Variants in SLC22A14 observed in about 807,000 individuals in gnomAD.
SLC22A14 encodes the protein solute carrier family 22 member 14, also known as organic cation transporter-like 4.
In SLC22A14, 50 loss-of-function variants were observed where a neutral mutation model predicts 53.9. The observed-to-expected ratio is 0.93, with a 90% CI of 0.74 to 1.17. The LOEUF (loss-of-function observed/expected upper bound fraction) is 1.17, where lower values mean the gene tolerates loss of function less well. Among genes scored for constraint, SLC22A14 ranks in the 50% most tolerant of loss-of-function variants. The pLI, the probability that SLC22A14 is intolerant of heterozygous loss-of-function variation, is 0.00. For missense variants in SLC22A14, 671 were observed against 734.7 expected (o/e 0.91, Z 1.00); for synonymous variants, 312 against 303.0 (o/e 1.03, Z -0.31).
chr3:38,297,663 A>G (rs1418829496), intron 1 of SLC22A14, among the ~76,000 whole-genome samples: 1 of 152,170 alleles, frequency 6.6e-6, no homozygotes, highest in Admixed American at 6.6e-5. Context: ...ATTAAGGCAT[A>G]TATTTCTGGC....
rs761233958 is a variant in SLC22A14, at chr3:38,313,139, G to T, written c.1065+20G>T. On this transcript the variant is annotated intron_variant, in intron 6 of 10. Transcript: ENST00000448498. ...GACGAGGTAAAGGGCTTCTGGCCAGGAGTGGGGCCGGAGCAGTGGGCTGTG... is the reference window on the plus strand; with the variant it reads ...GACGAGGTAAAGGGCTTCTGGCCAGTAGTGGGGCCGGAGCAGTGGGCTGTG... The T allele has an allele frequency of 1.2e-5, 19 of 1,609,456 alleles. No homozygotes were observed. In the South Asian group the frequency reaches 2.1e-4, roughly 18 times the overall value.
intron 1 of SLC22A14, among the ~76,000 whole-genome samples, chr3:38,291,917 G>A (rs553964857): frequency 1.3e-5 from 2 of 152,338 alleles, no homozygotes; most frequent in East Asian, 3.9e-4. Flanking sequence ...TTATGCCAAG[G>A]AACTCCCTTA....
At chr3:38,281,620 A>G (rs1157198403), upstream of SLC22A14, among the ~76,000 whole-genome samples, 1 of 152,220 alleles carries the variant, frequency 6.6e-6, no homozygotes, top group Non-Finnish European at 1.5e-5. Context: ...TGATTCATGG[A>G]TTAACAGATT....
chr3:38,294,802 A>G (rs1393632726), intron 1 of SLC22A14, among the ~76,000 whole-genome samples: 1 of 151,980 alleles, frequency 6.6e-6, no homozygotes, highest in African/African-American at 2.4e-5. Flanking sequence ...CATGCCCAAC[A>G]TTGCCTTTGT....
chr3:38,283,577 C>T (rs182829808), intron 1 of SLC22A14, among the ~76,000 whole-genome samples: 5 of 152,318 alleles, frequency 3.3e-5, no homozygotes, highest in South Asian at 2.1e-4. Context: ...CGCCTGTAAT[C>T]CCAGCACTTT....
intron 1 of SLC22A14, among the ~76,000 whole-genome samples, chr3:38,285,358 C>G (rs1703769050): frequency 6.6e-6 from 1 of 152,182 alleles, no homozygotes; most frequent in South Asian, 2.1e-4. Flanking sequence ...GAATCCATCA[C>G]CCACCCAAAG....
chr3:38,285,092 C>T (rs1373161431), intron 1 of SLC22A14, among the ~76,000 whole-genome samples: 1 of 152,138 alleles, frequency 6.6e-6, no homozygotes, highest in Non-Finnish European at 1.5e-5. Context: ...AAGTAAACAG[C>T]ACCTTAACAA....
At chr3:38,284,870 A>T (rs186154251) in intron 1 of SLC22A14, among the ~76,000 whole-genome samples, 5 of 152,284 alleles carry the variant, frequency 3.3e-5, no homozygotes, top group African/African-American at 1.2e-4. Context: ...AAGGAAATGG[A>T]CACCTCGTGA....
At chr3:38,288,956 G>C (rs975470086) in intron 1 of SLC22A14, among the ~76,000 whole-genome samples, 2 of 152,004 alleles carry the variant, frequency 1.3e-5, no homozygotes, top group African/African-American at 4.8e-5. Flanking sequence ...AAGATGGGAG[G>C]ATCACTCGAG....
intron 6 of SLC22A14, 36 bp from the exon 7 acceptor site, chr3:38,313,352 T>C (rs1704525519): frequency 6.5e-7 from 1 of 1,543,828 alleles, no homozygotes; most frequent in African/African-American, 1.4e-5. Flanking sequence ...GCTGGGGTCT[T>C]GGCCCTGCCT....
chr3:38,316,236 G>A, intron 9 of SLC22A14, 88 bp from the exon 10 acceptor site: 2 of 1,131,108 alleles, frequency 1.8e-6, no homozygotes, highest in South Asian at 1.3e-5. Flanking sequence ...GTGGAGACTG[G>A]AGAGTGTGGG....
At chr3:38,310,378 A>T (rs974458016) in intron 5 of SLC22A14, among the ~76,000 whole-genome samples, 1 of 152,144 alleles carries the variant, frequency 6.6e-6, no homozygotes, top group Non-Finnish European at 1.5e-5. Context: ...ATCCTGTTTA[A>T]AAAAAATTTC....
rs1704255768 is a variant in SLC22A14 at position 38,304,678 on chromosome 3, C to T, written c.1-1349C>T. On this transcript the variant is annotated intron_variant, in intron 1 of 10. Transcript: ENST00000448498. ...CTAACAGGAGACTGCTGAGGCTCTT[C>T]ATTAGTCAGTGGCCTGCCTTCTCTC... Among the ~76,000 whole-genome samples, 3 of 152,188 alleles carry T rather than the reference C, an allele frequency of 2.0e-5. No individual in the cohort carries two copies. The South Asian group carries it at 6.2e-4, about 32-fold the overall frequency.
intron 8 of SLC22A14, among the ~76,000 whole-genome samples, chr3:38,314,214 C>T (rs766438966): frequency 2.0e-5 from 3 of 152,192 alleles, no homozygotes; most frequent in Non-Finnish European, 4.4e-5. Flanking sequence ...CCTTCTTCCA[C>T]CAGATTCCAA....
intron 1 of SLC22A14, among the ~76,000 whole-genome samples, chr3:38,298,437 TC>T (rs1559547033): frequency 1.3e-5 from 2 of 151,802 alleles, no homozygotes; most frequent in East Asian, 1.9e-4. Flanking sequence ...TATCTATCTA[TC>T]TATCTATCTA....
At chr3:38,308,302 G>A (rs1704373148) in intron 4 of SLC22A14, 1 of 166,558 alleles carries the variant, frequency 6.0e-6, no homozygotes, top group African/African-American at 2.4e-5. Flanking sequence ...CAGCTGCTGA[G>A]CCCTTTATAT....
intron 8 of SLC22A14, among the ~76,000 whole-genome samples, chr3:38,314,800 G>T (rs998187389): frequency 1.3e-5 from 2 of 152,156 alleles, no homozygotes; most frequent in African/African-American, 4.8e-5. Flanking sequence ...TAATTGCCTG[G>T]TGGTTTTTAA....
rs1704673798 is a variant in SLC22A14 at position 38,318,230 on chromosome 3, C to T, written c.1766C>T (p.Thr589Ile). 6.2e-7 allele frequency: 1 copy of T among 1,614,006 alleles called. No homozygotes were observed. The highest frequency in any genetic ancestry group is 1.3e-5 in the African/African-American group (1 of 74,948). Residue 589 changes from threonine to isoleucine, a missense_variant, in exon 11 of 11, where the codon ACA (threonine) becomes ATA (isoleucine). Coordinates refer to ENST00000448498, the MANE Select transcript of SLC22A14 (RefSeq NM_001320033.2). ...GTCAAGGACATGAAGACTAAGGAAACATCATCTGATGATGTCTGAGGAAGC... is the reference window on the plus strand; with the variant it reads ...GTCAAGGACATGAAGACTAAGGAAATATCATCTGATGATGTCTGAGGAAGC... ...NKVKDMKTKE[T>I]SSDDV
At chr3:38,310,913 C>A (rs914142303) in intron 5 of SLC22A14, among the ~76,000 whole-genome samples, 3 of 152,156 alleles carry the variant, frequency 2.0e-5, no homozygotes, top group Non-Finnish European at 4.4e-5. Flanking sequence ...GGGCATCATT[C>A]TCCGGGTTTA....
Sources: allele counts gnomAD v4.1 joint callset (sites outside exome capture counted in the v4.1 genomes callset), GRCh38; gene constraint gnomAD v4.1.1; transcripts MANE v1.5; gene names NCBI Gene and HGNC (gene_info 2026-07-23, HGNC 2026-07-21).